Variants in RBMS3 observed in about 807,000 individuals in gnomAD.
RBMS3 encodes the protein RNA-binding motif, single-stranded-interacting protein 3.
A neutral mutation model predicts 66.8 loss-of-function variants in RBMS3; 27 were observed. That is an observed-to-expected ratio of 0.40 (90% CI 0.30 to 0.56). The LOEUF (loss-of-function observed/expected upper bound fraction) is 0.56, where lower values mean the gene tolerates loss of function less well. Among genes scored for constraint, RBMS3 ranks in the 20% least tolerant of loss-of-function variants. The pLI is 0.40. For synonymous variants in RBMS3, 188 were observed against 183.0 expected, an observed-to-expected ratio of 1.03 and a Z score of -0.22; for missense variants, 513 against 549.5, an observed-to-expected ratio of 0.93 and a Z score of 0.66.
intron 4 of RBMS3, among the ~76,000 whole-genome samples, chr3:29,700,822 G>C (rs1162940063): frequency 6.6e-6 from 1 of 150,538 alleles, no homozygotes; most frequent in Non-Finnish European, 1.5e-5. Flanking sequence ...AGAGCTGCAA[G>C]TAATCTGGTT....
At chr3:29,706,413 A>T (rs35377763) in intron 4 of RBMS3, among the ~76,000 whole-genome samples, 1 of 151,940 alleles carries the variant, frequency 6.6e-6, no homozygotes, top group Non-Finnish European at 1.5e-5. Flanking sequence ...GTGACACATA[A>T]TCAAGACTTC....
At chr3:29,364,204 T>G (rs1306455343) in intron 1 of RBMS3, among the ~76,000 whole-genome samples, 1 of 152,118 alleles carries the variant, frequency 6.6e-6, no homozygotes, top group African/African-American at 2.4e-5. Context: ...AAAACAATTC[T>G]GCAAAACAAT....
At chr3:29,879,639 G>A (rs982853944) in intron 7 of RBMS3, among the ~76,000 whole-genome samples, 38 of 151,932 alleles carry the variant, frequency 2.5e-4, no homozygotes. Context: ...ACCCAATTAT[G>A]TATCAGGCCA....
At chr3:29,872,724 T>C (rs1158138725) in intron 7 of RBMS3, among the ~76,000 whole-genome samples, 10 of 152,170 alleles carry the variant, frequency 6.6e-5, no homozygotes, top group Non-Finnish European at 1.5e-4. Flanking sequence ...AGGAGCATCA[T>C]GATCCAGCAA....
At chr3:29,452,685 T>A (rs1287149334) in intron 2 of RBMS3, among the ~76,000 whole-genome samples, 2 of 152,172 alleles carry the variant, frequency 1.3e-5, no homozygotes, top group Admixed American at 6.5e-5. Flanking sequence ...ATCAAATTAT[T>A]TGACATTTAT....
chr3:29,556,537 AG>A (rs1324543430), intron 3 of RBMS3: 1 of 152,344 alleles, frequency 6.6e-6, no homozygotes, highest in African/African-American at 2.4e-5. Flanking sequence ...CGGGAGGCGG[AG>A]GTTGCAGTGA....
chr3:29,416,026 A>G (rs1003460174), intron 1 of RBMS3, among the ~76,000 whole-genome samples: 1 of 152,202 alleles, frequency 6.6e-6, no homozygotes, highest in African/African-American at 2.4e-5. Context: ...TAGGAAAAGC[A>G]TGGCCTCTGA....
At chr3:29,882,142 C>T (rs1304974888) in intron 7 of RBMS3, among the ~76,000 whole-genome samples, 2 of 152,050 alleles carry the variant, frequency 1.3e-5, no homozygotes, top group Non-Finnish European at 2.9e-5. Context: ...TTTACGACTG[C>T]CCTTTCCTGT....
At chr3:29,697,151 G>C (rs1272242985) in intron 4 of RBMS3, 1 of 969,646 alleles carries the variant, frequency 1.0e-6, no homozygotes, top group Non-Finnish European at 1.2e-6. Context: ...CAGTAATATG[G>C]ATCTAAGTTT....
chr3:29,310,580 A>G (rs1575518147), intron 1 of RBMS3, among the ~76,000 whole-genome samples: 1 of 151,732 alleles, frequency 6.6e-6, no homozygotes, highest in South Asian at 2.1e-4. Context: ...CCTATGAACC[A>G]TATATGTGTG....
At chr3:29,596,280 T>C (rs1365604653) in intron 4 of RBMS3, among the ~76,000 whole-genome samples, 2 of 152,198 alleles carry the variant, frequency 1.3e-5, no homozygotes, top group Non-Finnish European at 2.9e-5. Context: ...TGCTAAATGG[T>C]TGAACATTTT....
At chr3:29,425,871 T>G (rs1051662846) in intron 1 of RBMS3, among the ~76,000 whole-genome samples, 2 of 152,212 alleles carry the variant, frequency 1.3e-5, no homozygotes, top group African/African-American at 4.8e-5. Context: ...CATTGCCTAC[T>G]TATTCTAGCT....
intron 6 of RBMS3, among the ~76,000 whole-genome samples, chr3:29,769,419 G>C (rs1484836514): frequency 1.3e-5 from 2 of 151,914 alleles, no homozygotes; most frequent in African/African-American, 2.4e-5. Context: ...GACATCCAAT[G>C]TGTGAATGCC....
At chr3:29,627,217 C>T (rs2049093062) in intron 4 of RBMS3, among the ~76,000 whole-genome samples, 1 of 152,112 alleles carries the variant, frequency 6.6e-6, no homozygotes, top group African/African-American at 2.4e-5. Flanking sequence ...CACCTCTCCC[C>T]ATGGATGAAC....
intron 5 of RBMS3, among the ~76,000 whole-genome samples, chr3:29,751,486 A>C (rs894934138): frequency 6.6e-6 from 1 of 152,184 alleles, no homozygotes; most frequent in Non-Finnish European, 1.5e-5. Context: ...AAAACATATA[A>C]ATAATTTCTA....
At chr3:29,920,947 C>T (rs944050325) in intron 10 of RBMS3, among the ~76,000 whole-genome samples, 6 of 151,666 alleles carry the variant, frequency 4.0e-5, no homozygotes, top group East Asian at 3.9e-4. Flanking sequence ...TTGGGGGTGC[C>T]GTGTAAAAAA....
In RBMS3 at chr3:29,987,800, A is replaced by G. The variant is rs114562283; in HGVS notation, c.1099-343A>G. Among the ~76,000 whole-genome samples, 971 of 152,284 alleles carry G rather than the reference A, an allele frequency of 6.4e-3. 9 individuals carry two copies. Among genetic ancestry groups the G allele is most frequent in the African/African-American group, 0.022 (926 of 41,548 alleles). ...TGCTAGCAATAAAAGAGAGTAAAAA[A>G]GAGACATCATCCCCAACTCTCCTGG... On this transcript the variant is annotated intron_variant, in intron 12 of 14. Transcript: ENST00000383767.
At chr3:29,917,580 A>G (rs1267857152) in intron 10 of RBMS3, among the ~76,000 whole-genome samples, 1 of 152,056 alleles carries the variant, frequency 6.6e-6, no homozygotes, top group Non-Finnish European at 1.5e-5. Context: ...TCTATTAAAG[A>G]AAGATTCATG....
chr3:29,622,582 T>C (rs1369456847), intron 4 of RBMS3, among the ~76,000 whole-genome samples: 1 of 152,224 alleles, frequency 6.6e-6, no homozygotes, highest in Non-Finnish European at 1.5e-5. Context: ...TTGAACGTCA[T>C]TGTCCTATAT....
Sources: allele counts gnomAD v4.1 joint callset (sites outside exome capture counted in the v4.1 genomes callset), GRCh38; gene constraint gnomAD v4.1.1; transcripts MANE v1.5; gene names NCBI Gene and HGNC (gene_info 2026-07-23, HGNC 2026-07-21).